WDR47: variants seen among roughly 807,000 people sequenced by gnomAD.
The protein encoded by WDR47 is WD repeat domain 47, also known as WD repeat-containing protein 47.
In WDR47, 32 loss-of-function variants were observed where a neutral mutation model predicts 97.2. The ratio of observed to expected loss-of-function variants is 0.33; its 90% CI spans 0.25 to 0.44. WDR47 has a LOEUF of 0.44. WDR47 is among the 20% of genes least tolerant of loss of function. The probability of loss-of-function intolerance (pLI) is 1.00; values close to 1 mark genes in which losing one functional copy is unlikely to be tolerated. For missense variants in WDR47, 782 were observed against 1,102.3 expected (o/e 0.71, Z 4.11); for synonymous variants, 375 against 373.5 (o/e 1.00, Z -0.05).
At chr1:109,004,804 T>G (rs1660471882) in intron 5 of WDR47, 89 bp from the exon 6 acceptor site, 2 of 1,405,404 alleles carry the variant, frequency 1.4e-6, no homozygotes, top group African/African-American at 3.0e-5. Context: ...ATTTTATTAT[T>G]ATTATTTTTG....
intron 1 of WDR47, among the ~76,000 whole-genome samples, chr1:109,025,430 CA>C (rs34794200): frequency 0.44 from 44,951 of 101,524 alleles, 9,084 homozygotes; most frequent in African/African-American, 0.51. Context: ...GACTCTGCCT[CA>C]AAAAAAAAAA....
chr1:108,991,675 T>C (rs1659358854), intron 8 of WDR47, among the ~76,000 whole-genome samples: 1 of 152,184 alleles, frequency 6.6e-6, no homozygotes, highest in Admixed American at 6.6e-5. Flanking sequence ...GAAAATTATC[T>C]GGCCCAAGAG....
chr1:109,010,013 A>C (rs1660915630), intron 5 of WDR47, among the ~76,000 whole-genome samples: 1 of 151,932 alleles, frequency 6.6e-6, no homozygotes, highest in African/African-American at 2.4e-5. Flanking sequence ...AAAAACAAAA[A>C]AACAAAAAAA....
At chr1:109,035,835 G>A (rs1662907584) in intron 1 of WDR47, among the ~76,000 whole-genome samples, 1 of 149,808 alleles carries the variant, frequency 6.7e-6, no homozygotes. Flanking sequence ...TTTTTTAAGA[G>A]AAGGAGTCTT....
intron 9 of WDR47, among the ~76,000 whole-genome samples, chr1:108,990,685 G>C (rs1410814029): frequency 6.6e-6 from 1 of 151,896 alleles, no homozygotes; most frequent in African/African-American, 2.4e-5. Flanking sequence ...GTTAAAATCT[G>C]AACTAGGAAA....
At position 109,011,083 on chromosome 1, in the gene WDR47, G is replaced by A; in HGVS notation, c.963C>T (p.Thr321=). 1 of 1,614,122 alleles carries A rather than the reference G, an allele frequency of 6.2e-7. No individual in the cohort carries two copies. The highest frequency in any genetic ancestry group is 8.5e-7 in the Non-Finnish European group (1 of 1,180,036). The change falls in exon 5 of 15, where the codon ACC becomes ACT. Residue 321 remains threonine (T), a synonymous_variant. Transcript: ENST00000369962. ...RSLNPALDGL[T]CGLTSHDKRI... is the part of the protein sequence containing the mutation. ...TCTTATCATGACTGGTTAGTCCACAGGTGAGGCCATCTAAAGCAGGATTCA... is the reference window on the plus strand; with the variant it reads ...TCTTATCATGACTGGTTAGTCCACAAGTGAGGCCATCTAAAGCAGGATTCA...
chr1:108,983,270 C>G lies in WDR47; in HGVS notation c.2095+12G>C. 1.9e-6 allele frequency: 3 copies of G among 1,598,082 alleles called. No homozygotes were observed. The highest frequency in any genetic ancestry group is 2.6e-6 in the Non-Finnish European group (3 of 1,172,242). On this transcript the variant is annotated intron_variant, in intron 11 of 14. Coordinates refer to ENST00000369962, the MANE Select transcript of WDR47 (RefSeq NM_001142551.2). Reference sequence around the variant, plus strand: ...TGGTAAGCTAGCTACTGCTTACATACTTGGGCCCTACCTGTTGCGTTACAA... The same window carrying G: ...TGGTAAGCTAGCTACTGCTTACATAGTTGGGCCCTACCTGTTGCGTTACAA...
intron 1 of WDR47, among the ~76,000 whole-genome samples, chr1:109,039,518 A>G (rs975142764): frequency 8.5e-5 from 13 of 152,326 alleles, no homozygotes; most frequent in South Asian, 4.1e-4. Flanking sequence ...TTGGCCTCCC[A>G]AAGTGCTGGG....
chr1:108,982,581 A>C, intron 12 of WDR47, 28 bp downstream of exon 12: 1 of 1,558,228 alleles, frequency 6.4e-7, no homozygotes, highest in South Asian at 1.2e-5. Context: ...CAAAAAGAAA[A>C]ACAGCACTTG....
intron 1 of WDR47, chr1:109,030,147 C>T (rs779706343): frequency 3.9e-6 from 5 of 1,294,874 alleles, no homozygotes; most frequent in Admixed American, 1.9e-5. Context: ...GGTGCAGAGC[C>T]CCAATTCCTA....
intron 1 of WDR47, among the ~76,000 whole-genome samples, chr1:109,033,021 C>T (rs1026785295): frequency 9.9e-5 from 15 of 151,898 alleles, no homozygotes; most frequent in African/African-American, 2.7e-4. Flanking sequence ...TGGGGCTGGG[C>T]GCAGTGGCTC....
intron 1 of WDR47, among the ~76,000 whole-genome samples, chr1:109,034,791 A>G (rs1662819683): frequency 6.6e-6 from 1 of 152,220 alleles, no homozygotes; most frequent in Admixed American, 6.5e-5. Context: ...AGGGCTGAGG[A>G]CTGTTGCTAT....
intron 7 of WDR47, among the ~76,000 whole-genome samples, chr1:108,999,290 G>T (rs1042120255): frequency 6.6e-6 from 1 of 151,350 alleles, no homozygotes; most frequent in Non-Finnish European, 1.5e-5. Context: ...GAGAATGACA[G>T]AAAATTTATG....
intron 1 of WDR47, among the ~76,000 whole-genome samples, chr1:109,034,624 G>A (rs1662810381): frequency 6.6e-6 from 1 of 152,102 alleles, no homozygotes; most frequent in South Asian, 2.1e-4. Context: ...GATTCTCATA[G>A]GAGCACGGAC....
chr1:108,989,397 C>T (rs1659136647), intron 9 of WDR47, among the ~76,000 whole-genome samples: 1 of 152,246 alleles, frequency 6.6e-6, no homozygotes, highest in Non-Finnish European at 1.5e-5. Flanking sequence ...TCATGCAATA[C>T]ATCCTCCTTG....
chr1:109,016,389 G>A (rs1661417621), intron 3 of WDR47, among the ~76,000 whole-genome samples: 1 of 152,082 alleles, frequency 6.6e-6, no homozygotes, highest in South Asian at 2.1e-4. Flanking sequence ...GCAACAGAAT[G>A]AGACCCTGTC....
At chr1:109,019,409 G>A (rs574642739) in intron 2 of WDR47, among the ~76,000 whole-genome samples, 22 of 151,420 alleles carry the variant, frequency 1.5e-4, no homozygotes, top group Admixed American at 1.4e-3. Context: ...AAAGCTGGGA[G>A]TGGTGGCTCA....
At chr1:109,020,451 G>T (rs911777519) in intron 2 of WDR47, among the ~76,000 whole-genome samples, 5 of 151,836 alleles carry the variant, frequency 3.3e-5, no homozygotes, top group Non-Finnish European at 7.4e-5. Flanking sequence ...TAGTAGAGAC[G>T]GGGGGTTTCA....
intron 13 of WDR47, among the ~76,000 whole-genome samples, chr1:108,976,205 G>A (rs1160040081): frequency 6.6e-6 from 1 of 152,132 alleles, no homozygotes; most frequent in African/African-American, 2.4e-5. Flanking sequence ...GAGGCCACTA[G>A]AAGACAAGAA....
Sources: allele counts gnomAD v4.1 joint callset (sites outside exome capture counted in the v4.1 genomes callset), GRCh38; gene constraint gnomAD v4.1.1; transcripts MANE v1.5; gene names NCBI Gene and HGNC (gene_info 2026-07-23, HGNC 2026-07-21).